CNGB3: variants seen among roughly 807,000 people sequenced by gnomAD.
CNGB3 encodes the protein cyclic nucleotide gated channel subunit beta 3.
Under a neutral mutation model 92.8 loss-of-function variants are expected in CNGB3, and 86 were observed. That is an observed-to-expected ratio of 0.93 (90% CI 0.78 to 1.11). The LOEUF (loss-of-function observed/expected upper bound fraction) is 1.11, where lower values mean the gene tolerates loss of function less well. CNGB3 is among the 50% of genes least tolerant of loss of function. The pLI, the probability that CNGB3 is intolerant of heterozygous loss-of-function variation, is 0.00. For synonymous variants in CNGB3, 333 were observed against 332.7 expected, an observed-to-expected ratio of 1.00 and a Z score of -0.01; for missense variants, 1,026 against 956.8, an observed-to-expected ratio of 1.07 and a Z score of -0.95.
At position 86,575,949 on chromosome 8, in the gene CNGB3, G is replaced by A. The variant is rs764496534; in HGVS notation, c.2285C>T (p.Ala762Val). The A allele has an allele frequency of 2.5e-6, 4 of 1,613,992 alleles. No individual in the cohort carries two copies. The Admixed American group carries it at 6.7e-5, about 27-fold the overall frequency. ...DRPECTASPI[A>V]VEEEPHSVRR... ...AACTGAGTGGGGTTCTTCCTCCACT[G>A]CAATAGGACTTGCTGTACATTCAGG... The change falls in exon 18 of 18, where the codon GCA (alanine) becomes GTA (valine). Residue 762 changes from alanine to valine, a missense_variant. Transcript: ENST00000320005.
At chr8:86,713,603 G>A (rs1297292897) in intron 3 of CNGB3, among the ~76,000 whole-genome samples, 1 of 152,140 alleles carries the variant, frequency 6.6e-6, no homozygotes, top group Admixed American at 6.6e-5. Context: ...CATCCTATGA[G>A]TGTGGAATTA....
intron 3 of CNGB3, among the ~76,000 whole-genome samples, chr8:86,675,655 G>T (rs1586009458): frequency 6.6e-6 from 1 of 152,254 alleles, no homozygotes; most frequent in East Asian, 1.9e-4. Flanking sequence ...TCCTGCCTCA[G>T]CCTCCCAAAG....
chr8:86,581,054 T>A (rs200435290), intron 15 of CNGB3, among the ~76,000 whole-genome samples: 2 of 149,934 alleles, frequency 1.3e-5, no homozygotes, highest in African/African-American at 4.9e-5. Context: ...GTTAAAAAAC[T>A]TATATAGGGT....
At chr8:86,712,711 C>G (rs1824771824) in intron 3 of CNGB3, among the ~76,000 whole-genome samples, 1 of 150,300 alleles carries the variant, frequency 6.7e-6, no homozygotes, top group African/African-American at 2.4e-5. Flanking sequence ...GGTAGGAATA[C>G]TACTATATCT....
At chr8:86,664,012 T>C (rs1823694869) in intron 6 of CNGB3, among the ~76,000 whole-genome samples, 1 of 152,216 alleles carries the variant, frequency 6.6e-6, no homozygotes, top group South Asian at 2.1e-4. Flanking sequence ...GTGAGTCTAA[T>C]GGAGGTTGAA....
Position 86,622,949 on chromosome 8 carries a change from T to C in CNGB3, c.1578+3034A>G, listed in dbSNP as rs116226721. 3.2e-3 allele frequency among the ~76,000 whole-genome samples: 494 copies of C among 152,320 alleles called. 1 individual carries two copies. The highest frequency in any genetic ancestry group is 0.011 in the African/African-American group (462 of 41,582). On this transcript the variant is annotated intron_variant, in intron 13 of 17. Transcript: ENST00000320005. ...CAGGCCATAGCTAAGAAAAGAGTCC[T>C]AGAATACTGACCTAACTCTAATAAC... is the stretch of plus-strand genomic sequence containing the variant.
intron 2 of CNGB3, 128 bp from the exon 3 acceptor site, chr8:86,726,785 G>A (rs993101353): frequency 9.6e-7 from 1 of 1,043,558 alleles, no homozygotes; most frequent in Non-Finnish European, 1.5e-6. Flanking sequence ...CCTCCCCTGG[G>A]ACTTCTGCTA....
At chr8:86,649,076 A>T (rs1823347869) in intron 7 of CNGB3, among the ~76,000 whole-genome samples, 1 of 151,428 alleles carries the variant, frequency 6.6e-6, no homozygotes. Flanking sequence ...CTGTAAAACA[A>T]CAACAATAAC....
At position 86,575,980 on chromosome 8, in the gene CNGB3, C is replaced by T. The variant is rs1821649935; in HGVS notation, c.2254G>A (p.Asp752Asn). Residue 752 changes from aspartate (D) to asparagine (N), a missense_variant, in exon 18 of 18, where the codon GAC becomes AAC. Coordinates refer to ENST00000320005, the MANE Select transcript of CNGB3 (RefSeq NM_019098.5). ...KGREPEEKPL[D>N]RPECTASPIA... ...GGACTTGCTGTACATTCAGGTCTGT[C>T]CAGTGGCTTCTCTTCTGGCTCTCTT... 1 of 1,613,916 alleles carries T rather than the reference C, an allele frequency of 6.2e-7. No homozygotes were observed. The highest frequency in any genetic ancestry group is 8.5e-7 in the Non-Finnish European group (1 of 1,179,996).
intron 10 of CNGB3, among the ~76,000 whole-genome samples, chr8:86,633,857 A>G (rs1823010876): frequency 6.6e-6 from 1 of 152,190 alleles, no homozygotes; most frequent in African/African-American, 2.4e-5. Context: ...TCACCCACAT[A>G]TTATTATATT....
intron 6 of CNGB3, chr8:86,659,290 GC>G: frequency 3.0e-6 from 3 of 988,690 alleles, no homozygotes; most frequent in Non-Finnish European, 4.9e-6. Flanking sequence ...TCCATAACCT[GC>G]CCCAGGTGTG....
chr8:86,588,640 T>A (rs1169200679), intron 15 of CNGB3, among the ~76,000 whole-genome samples: 1 of 150,088 alleles, frequency 6.7e-6, no homozygotes, highest in African/African-American at 2.5e-5. Context: ...TGGATTACAT[T>A]TATTGATTTG....
At chr8:86,692,429 T>C (rs1474489937) in intron 3 of CNGB3, among the ~76,000 whole-genome samples, 1 of 152,218 alleles carries the variant, frequency 6.6e-6, no homozygotes, top group East Asian at 1.9e-4. Context: ...CATATATATT[T>C]AGGATTGTGA....
chr8:86,703,132 G>A (rs1310906686), intron 3 of CNGB3, among the ~76,000 whole-genome samples: 1 of 152,024 alleles, frequency 6.6e-6, no homozygotes, highest in Admixed American at 6.5e-5. Context: ...GATTTATAAT[G>A]TCATCTTCAT....
At chr8:86,665,100 G>A (rs946471101) in intron 6 of CNGB3, among the ~76,000 whole-genome samples, 5 of 152,138 alleles carry the variant, frequency 3.3e-5, no homozygotes, top group African/African-American at 1.2e-4. Context: ...ATATTGGACA[G>A]TGCGGTGAAT....
intron 7 of CNGB3, among the ~76,000 whole-genome samples, chr8:86,648,363 A>G (rs1823330026): frequency 1.3e-5 from 2 of 151,308 alleles, no homozygotes; most frequent in South Asian, 2.1e-4. Flanking sequence ...AGGCTCTTCA[A>G]TGCTTTCTAC....
At chr8:86,663,366 G>C (rs1020668802) in intron 6 of CNGB3, among the ~76,000 whole-genome samples, 3 of 152,142 alleles carry the variant, frequency 2.0e-5, no homozygotes, top group African/African-American at 4.8e-5. Flanking sequence ...GAGACTTTTT[G>C]TTTGACTGCG....
At chr8:86,662,382 C>T (rs1300621365) in intron 6 of CNGB3, among the ~76,000 whole-genome samples, 1 of 152,188 alleles carries the variant, frequency 6.6e-6, no homozygotes, top group Non-Finnish European at 1.5e-5. Context: ...GAATCGAATA[C>T]TGTCCCTACT....
intron 3 of CNGB3, among the ~76,000 whole-genome samples, chr8:86,710,300 A>G (rs1223170328): frequency 6.6e-6 from 1 of 152,078 alleles, no homozygotes; most frequent in African/African-American, 2.4e-5. Flanking sequence ...ACTAGGTGGA[A>G]ATCTGTTTTC....
Sources: allele counts gnomAD v4.1 joint callset (sites outside exome capture counted in the v4.1 genomes callset), GRCh38; gene constraint gnomAD v4.1.1; transcripts MANE v1.5; gene names NCBI Gene and HGNC (gene_info 2026-07-23, HGNC 2026-07-21).